The following FBXL13 variants were observed in gnomAD, a reference collection of about 807,000 sequenced individuals.
The protein encoded by FBXL13 is F-box and leucine-rich repeat protein 13.
In FBXL13, 67 loss-of-function variants were observed where a neutral mutation model predicts 83.6. The observed-to-expected ratio is 0.80, with a 90% CI of 0.66 to 0.98. The LOEUF is 0.98. FBXL13 is among the 50% of genes least tolerant of loss of function. The pLI is 0.00. For synonymous variants in FBXL13, 272 were observed against 299.5 expected, an observed-to-expected ratio of 0.91 and a Z score of 0.95; for missense variants, 822 against 866.5, an observed-to-expected ratio of 0.95 and a Z score of 0.64.
intron 18 of FBXL13, among the ~76,000 whole-genome samples, chr7:102,830,837 G>C (rs1214473349): frequency 1.3e-5 from 2 of 152,132 alleles, no homozygotes; most frequent in East Asian, 3.8e-4. Flanking sequence ...AAATTTCTTA[G>C]TTTTCTTCCT....
intron 6 of FBXL13, among the ~76,000 whole-genome samples, chr7:103,000,891 TA>T (rs1156765568): frequency 6.6e-6 from 1 of 152,192 alleles, no homozygotes; most frequent in Non-Finnish European, 1.5e-5. Context: ...ATATCTGATA[TA>T]AGCATAGCTA....
chr7:102,993,724 G>A (rs939629597), intron 6 of FBXL13, among the ~76,000 whole-genome samples: 2 of 152,162 alleles, frequency 1.3e-5, no homozygotes, highest in African/African-American at 4.8e-5. Context: ...TAACTAAGCA[G>A]CATTTCCTAA....
chr7:102,944,266 C>G, intron 8 of FBXL13: 1 of 1,613,164 alleles, frequency 6.2e-7, no homozygotes, highest in Non-Finnish European at 8.5e-7. Flanking sequence ...CAACAGTCTG[C>G]AAAACTTTGA....
At chr7:103,014,661 C>T (rs373209625) in intron 6 of FBXL13, among the ~76,000 whole-genome samples, 7 of 152,128 alleles carry the variant, frequency 4.6e-5, no homozygotes, top group African/African-American at 9.6e-5. Flanking sequence ...CGGTGGCTCA[C>T]GCCTGTACTC....
rs1810504816 is a variant in FBXL13 at position 102,884,322 on chromosome 7, A to G, written c.1009-10T>C. The G allele has an allele frequency of 2.5e-6, 4 of 1,604,002 alleles. No homozygotes were observed. In the East Asian group the frequency reaches 6.7e-5, roughly 27 times the overall value. ...AGCCTTGGACTGAAATCTGAATTGT[A>G]CAGAGTAGAAAATAATGGGAGAATG... is the stretch of plus-strand genomic sequence containing the variant. On this transcript the variant is annotated splice_polypyrimidine_tract_variant and intron_variant, in intron 11 of 19. Coordinates refer to ENST00000313221, the Ensembl canonical transcript of FBXL13.
intron 19 of FBXL13, among the ~76,000 whole-genome samples, chr7:102,821,386 C>T (rs1179607702): frequency 6.6e-6 from 1 of 152,180 alleles, no homozygotes; most frequent in Admixed American, 6.5e-5. Context: ...TTAACACACA[C>T]TTCCTTGGAT....
intron 6 of FBXL13, among the ~76,000 whole-genome samples, chr7:103,020,423 G>A (rs143712020): frequency 1.7e-4 from 26 of 152,314 alleles, no homozygotes; most frequent in Non-Finnish European, 2.9e-4. Flanking sequence ...ACAAGACAAG[G>A]ATGTCCTCTC....
intron 11 of FBXL13, among the ~76,000 whole-genome samples, chr7:102,911,263 T>C (rs1814623378): frequency 6.6e-6 from 1 of 152,202 alleles, no homozygotes; most frequent in Admixed American, 6.5e-5. Context: ...TATTTATCCT[T>C]AGGACACTTG....
At chr7:102,955,470 A>C (rs1824100171) in intron 8 of FBXL13, among the ~76,000 whole-genome samples, 1 of 152,134 alleles carries the variant, frequency 6.6e-6, no homozygotes, top group Non-Finnish European at 1.5e-5. Context: ...TAACATCACA[A>C]TTAAAAGAAC....
At chr7:102,977,264 C>T (rs191025530) in intron 6 of FBXL13, among the ~76,000 whole-genome samples, 2 of 152,214 alleles carry the variant, frequency 1.3e-5, no homozygotes, top group East Asian at 1.9e-4. Flanking sequence ...CTAACCAAAC[C>T]GCCTCCGTCC....
intron 6 of FBXL13, among the ~76,000 whole-genome samples, chr7:102,985,078 C>A (rs1828780779): frequency 6.6e-6 from 1 of 152,172 alleles, no homozygotes; most frequent in African/African-American, 2.4e-5. Flanking sequence ...TGAAGACAGA[C>A]CTTCATTCCT....
At position 102,883,218 on chromosome 7, in the gene FBXL13, C is replaced by G. The variant is rs1043947382; in HGVS notation, c.1388+87G>C. ...ATGAACTCTTGACTTTCATGTTTACCCCACAAACCATAAGTTCCTTAGGAG... is the reference window on the plus strand; with the variant it reads ...ATGAACTCTTGACTTTCATGTTTACGCCACAAACCATAAGTTCCTTAGGAG... On this transcript the variant is annotated intron_variant, in intron 14 of 19. Coordinates refer to ENST00000313221, the Ensembl canonical transcript of FBXL13. 10 of 1,301,130 alleles carry G rather than the reference C, an allele frequency of 7.7e-6. No individual in the cohort carries two copies. The African/African-American group carries it at 1.5e-4, about 20-fold the overall frequency. 80.6% of individuals were successfully genotyped at this position (1,301,130 alleles called of 1,614,324 possible). A position where few individuals can be genotyped will look rare whatever the true frequency, so the allele number is the denominator to read the frequency against.
At chr7:102,934,017 CGGGTGGAGGCCGGAGAGG>C in intron 8 of FBXL13, 1 of 1,614,026 alleles carries the variant, frequency 6.2e-7, no homozygotes, top group Admixed American at 1.7e-5. Context: ...CATGGCCGGG[CGGGTGGAGGCCGGAGAGG>C]CTCCAACCCG....
At chr7:103,025,899 A>T (rs76861636) in intron 5 of FBXL13, among the ~76,000 whole-genome samples, 1,671 of 151,768 alleles carry the variant, frequency 0.011, 35 homozygotes, top group African/African-American at 0.039. Context: ...TGCCATCCTC[A>T]CTCCATTTAA....
At chr7:102,917,568 C>G (rs1008342155) in intron 10 of FBXL13, among the ~76,000 whole-genome samples, 5 of 152,210 alleles carry the variant, frequency 3.3e-5, no homozygotes, top group Non-Finnish European at 7.3e-5. Flanking sequence ...GAGAAAGGCA[C>G]TGCAGCTATA....
chr7:102,921,597 T>C (rs1013409678), intron 10 of FBXL13, among the ~76,000 whole-genome samples: 1 of 151,976 alleles, frequency 6.6e-6, no homozygotes, highest in Non-Finnish European at 1.5e-5. Flanking sequence ...GGAAAATTGC[T>C]TGAACCCAGG....
At chr7:102,983,108 A>G (rs1189808811) in intron 6 of FBXL13, among the ~76,000 whole-genome samples, 1 of 152,142 alleles carries the variant, frequency 6.6e-6, no homozygotes. Flanking sequence ...ACTTGAGTCT[A>G]ATTATGAGAC....
chr7:102,995,822 C>G (rs1181581289), intron 6 of FBXL13, among the ~76,000 whole-genome samples: 1 of 86,298 alleles, frequency 1.2e-5, no homozygotes, highest in South Asian at 3.7e-4. Context: ...TAAATAAAGG[C>G]ATAGTCATAA....
At chr7:102,847,871 T>C (rs1292007331) in intron 17 of FBXL13, among the ~76,000 whole-genome samples, 1 of 152,146 alleles carries the variant, frequency 6.6e-6, no homozygotes, top group Non-Finnish European at 1.5e-5. Flanking sequence ...CTGACCATCA[T>C]CTATTGGTTT....
Sources: allele counts gnomAD v4.1 joint callset (sites outside exome capture counted in the v4.1 genomes callset), GRCh38; gene constraint gnomAD v4.1.1; transcripts MANE v1.5; gene names NCBI Gene and HGNC (gene_info 2026-07-23, HGNC 2026-07-21).